Variants in PARD3 observed in about 807,000 individuals in gnomAD.
The protein encoded by PARD3 is par-3 family cell polarity regulator.
Under a neutral mutation model 155.4 loss-of-function variants are expected in PARD3, and 75 were observed. That is an observed-to-expected ratio of 0.48 (90% confidence interval 0.40 to 0.58). The LOEUF (loss-of-function observed/expected upper bound fraction) is 0.58. PARD3 is among the 20% of genes least tolerant of loss of function. PARD3 has a pLI of 0.00. For synonymous variants in PARD3, 576 were observed against 610.5 expected (o/e 0.94, Z 0.83); for missense variants, 1,642 against 1,721.7 (o/e 0.95, Z 0.82).
At chr10:34,414,225 A>C (rs1845421465) in intron 5 of PARD3, among the ~76,000 whole-genome samples, 1 of 151,772 alleles carries the variant, frequency 6.6e-6, no homozygotes, top group Non-Finnish European at 1.5e-5. Context: ...TCGCTCTTAA[A>C]AAAAAAAAGG....
intron 14 of PARD3, among the ~76,000 whole-genome samples, chr10:34,358,354 A>C (rs1363664919): frequency 6.6e-6 from 1 of 152,176 alleles, no homozygotes; most frequent in Non-Finnish European, 1.5e-5. Context: ...CTCACCCCTA[A>C]TTCCAAACTG....
At chr10:34,422,096 C>T (rs1038151675) in intron 5 of PARD3, among the ~76,000 whole-genome samples, 1 of 152,128 alleles carries the variant, frequency 6.6e-6, no homozygotes, top group Non-Finnish European at 1.5e-5. Flanking sequence ...GGGACACCCA[C>T]TCTCACCCCT....
At chr10:34,471,838 C>T (rs529082652) in intron 3 of PARD3, among the ~76,000 whole-genome samples, 55 of 152,304 alleles carry the variant, frequency 3.6e-4, no homozygotes, top group Middle Eastern at 6.8e-3. Flanking sequence ...GGATTACAGG[C>T]GTGAGCCACC....
intron 1 of PARD3, among the ~76,000 whole-genome samples, chr10:34,801,460 G>A (rs1842834557): frequency 6.6e-6 from 1 of 152,168 alleles, no homozygotes; most frequent in Admixed American, 6.5e-5. Flanking sequence ...AGACGGATGA[G>A]AGGAGGTAGT....
At chr10:34,428,030 G>A (rs2075711984) in intron 5 of PARD3, among the ~76,000 whole-genome samples, 1 of 152,072 alleles carries the variant, frequency 6.6e-6, no homozygotes, top group Non-Finnish European at 1.5e-5. Context: ...CAAGGCTCTT[G>A]CAAGGTGAGC....
At position 34,319,744 on chromosome 10, in the gene PARD3, T is replaced by C. The variant is rs533910445; in HGVS notation, c.2834-2406A>G. ...TGTAAACATAGCTCAAGCAGGGCTG[T>C]AGTGTGTTGCTTAATGCCCTTGAAC... is the stretch of plus-strand genomic sequence containing the variant. On this transcript the variant is annotated intron_variant, in intron 19 of 24. Transcript: ENST00000374788. Among the ~76,000 whole-genome samples, 124 of 152,316 alleles carry C rather than the reference T, an allele frequency of 8.1e-4. 1 individual carries two copies. Among genetic ancestry groups the C allele is most frequent in the African/African-American group, 2.7e-3 (114 of 41,564 alleles).
At chr10:34,540,393 T>A (rs556273106) in intron 2 of PARD3, among the ~76,000 whole-genome samples, 2 of 151,462 alleles carry the variant, frequency 1.3e-5, no homozygotes, top group South Asian at 2.1e-4. Flanking sequence ...TGAGAATTCA[T>A]GGAAGGAAGG....
intron 22 of PARD3, among the ~76,000 whole-genome samples, chr10:34,241,206 C>T (rs1953568767): frequency 6.6e-6 from 1 of 152,134 alleles, no homozygotes; most frequent in African/African-American, 2.4e-5. Context: ...GTAGACCATG[C>T]TAAAGAGGAA....
intron 1 of PARD3, among the ~76,000 whole-genome samples, chr10:34,737,714 C>T (rs1372375883): frequency 6.6e-6 from 1 of 152,222 alleles, no homozygotes; most frequent in Non-Finnish European, 1.5e-5. Context: ...CCACACCAGA[C>T]ACTGGCACCT....
chr10:34,562,475 T>C (rs1483598798), intron 2 of PARD3, among the ~76,000 whole-genome samples: 1 of 151,928 alleles, frequency 6.6e-6, no homozygotes, highest in Non-Finnish European at 1.5e-5. Context: ...TCAGCTCCCA[T>C]CTACCACATT....
At chr10:34,305,354 C>T (rs753894151) in intron 20 of PARD3, among the ~76,000 whole-genome samples, 47 of 152,162 alleles carry the variant, frequency 3.1e-4, no homozygotes, top group Non-Finnish European at 6.5e-4. Context: ...CTCCAGTGGG[C>T]GAGGCAGAGG....
At chr10:34,737,980 A>AAGG (rs1473926303) in intron 1 of PARD3, among the ~76,000 whole-genome samples, 2 of 152,222 alleles carry the variant, frequency 1.3e-5, no homozygotes, top group Non-Finnish European at 2.9e-5. Context: ...CAGGAGGAAG[A>AAGG]AGGCAACAGC....
rs377613171 is a variant in PARD3 at position 34,111,539 on chromosome 10, G to C, written c.3692C>G (p.Ser1231Trp). ...LPRQSRKNAS[S>W]VSQDSWEQNY... is the part of the protein sequence containing the mutation. ...CTGCTCCCAAGAGTCCTGGGAGACCGAGCTGGCATTTTTCCTGCTTTGCCT... is the reference window on the plus strand; with the variant it reads ...CTGCTCCCAAGAGTCCTGGGAGACCCAGCTGGCATTTTTCCTGCTTTGCCT... The change falls in exon 25 of 25, where the codon TCG becomes TGG. Residue 1231 changes from serine (S) to tryptophan (W), a missense_variant. Ser to Trp is a radical substitution (Grantham distance 177). Transcript: ENST00000374788. 3 of 1,596,862 alleles carry C rather than the reference G, an allele frequency of 1.9e-6. No individual in the cohort carries two copies. Among genetic ancestry groups the C allele is most frequent in the Non-Finnish European group, 2.6e-6 (3 of 1,168,338 alleles).
At chr10:34,710,787 T>A (rs1477402055) in intron 1 of PARD3, among the ~76,000 whole-genome samples, 2 of 152,172 alleles carry the variant, frequency 1.3e-5, no homozygotes, top group Admixed American at 1.3e-4. Context: ...GAGACCCTTA[T>A]GTTTTTGTTT....
intron 2 of PARD3, among the ~76,000 whole-genome samples, chr10:34,609,113 G>C (rs1023383657): frequency 6.6e-6 from 1 of 152,042 alleles, no homozygotes; most frequent in Non-Finnish European, 1.5e-5. Context: ...TTCATAATTC[G>C]ACTAATTTTG....
At chr10:34,381,498 A>G (rs971925969) in intron 9 of PARD3, among the ~76,000 whole-genome samples, 3 of 152,200 alleles carry the variant, frequency 2.0e-5, no homozygotes, top group African/African-American at 7.2e-5. Flanking sequence ...GTTTGCACTC[A>G]ACTTTGAAGG....
chr10:34,797,924 G>A (rs1842449394), intron 1 of PARD3, among the ~76,000 whole-genome samples: 1 of 152,120 alleles, frequency 6.6e-6, no homozygotes, highest in Non-Finnish European at 1.5e-5. Flanking sequence ...AAATTAACAG[G>A]CAGGAGAATT....
chr10:34,405,024 T>C (rs1266268101), intron 5 of PARD3, among the ~76,000 whole-genome samples: 2 of 151,532 alleles, frequency 1.3e-5, no homozygotes, highest in Non-Finnish European at 1.5e-5. Flanking sequence ...GCTATGACCA[T>C]GCATGCCACT....
chr10:34,778,307 ATCCC>A (rs970318297), intron 1 of PARD3, among the ~76,000 whole-genome samples: 3 of 152,154 alleles, frequency 2.0e-5, no homozygotes, highest in Non-Finnish European at 2.9e-5. Context: ...TGGATTCTAA[ATCCC>A]TCGGGCCAAG....
Sources: allele counts gnomAD v4.1 joint callset (sites outside exome capture counted in the v4.1 genomes callset), GRCh38; gene constraint gnomAD v4.1.1; transcripts MANE v1.5; gene names NCBI Gene and HGNC (gene_info 2026-07-23, HGNC 2026-07-21).